The following ZCCHC2 variants were observed in gnomAD, a reference collection of about 807,000 sequenced individuals.
The protein encoded by ZCCHC2 is zinc finger CCHC domain-containing protein 2.
Under a neutral mutation model 103.6 loss-of-function variants are expected in ZCCHC2, and 39 were observed. That is an observed-to-expected ratio of 0.38 (90% CI 0.29 to 0.49). The LOEUF is 0.49. ZCCHC2 is among the 20% of genes least tolerant of loss of function. ZCCHC2 has a pLI of 0.96. For missense variants in ZCCHC2, 1,483 were observed against 1,491.0 expected (o/e 0.99, Z 0.09); for synonymous variants, 687 against 608.9 (o/e 1.13, Z -1.89).
At chr18:62,558,476 T>C in intron 6 of ZCCHC2, 1 of 329,846 alleles carries the variant, frequency 3.0e-6, no homozygotes, top group Non-Finnish European at 5.7e-6. Context: ...TCCAGGTCAG[T>C]CGCTCTTCAG....
chr18:62,534,199 T>C (rs1258448958), intron 1 of ZCCHC2, among the ~76,000 whole-genome samples: 1 of 151,784 alleles, frequency 6.6e-6, no homozygotes, highest in African/African-American at 2.4e-5. Context: ...TAGTCCTAGC[T>C]ACTCAAGAGA....
In ZCCHC2 at chr18:62,523,947, G is replaced by C. The variant is rs1342786358; in HGVS notation, c.523G>C (p.Val175Leu). 3.3e-6 allele frequency: 5 copies of C among 1,520,658 alleles called. No individual in the cohort carries two copies. The highest frequency in any genetic ancestry group is 3.5e-6 in the Non-Finnish European group (4 of 1,138,356). 94.2% of individuals were successfully genotyped at this position (1,520,658 alleles called of 1,614,324 possible). The stretch of plus-strand genomic sequence containing the variant: ...GCCCGCGGTGCGCTCGCGCCTCATC[G>C]TCTACCTGGCGCTGCTGGGCTCGGA... Reference protein sequence around the residue: ...REPAVRSRLIVYLALLGSENR... With the variant: ...REPAVRSRLILYLALLGSENR... Residue 175 changes from valine (V) to leucine (L), a missense_variant, in exon 1 of 14, where the codon GTC (valine) becomes CTC (leucine). By Grantham distance (32) the Val-to-Leu change is conservative. Coordinates refer to ENST00000269499, the MANE Select transcript of ZCCHC2 (RefSeq NM_017742.6).
At chr18:62,580,562 G>A (rs1218882644), downstream of ZCCHC2, among the ~76,000 whole-genome samples, 1 of 124,200 alleles carries the variant, frequency 8.1e-6, no homozygotes, top group Non-Finnish European at 1.7e-5. Flanking sequence ...GTGTCACAGT[G>A]CTGTGGAAGG....
At chr18:62,539,983 C>T (rs954133282) in intron 2 of ZCCHC2, among the ~76,000 whole-genome samples, 191 bp downstream of exon 2, 1 of 152,142 alleles carries the variant, frequency 6.6e-6, no homozygotes, top group Non-Finnish European at 1.5e-5. Context: ...TGCGCCACAG[C>T]CCTGCTTGTC....
chr18:62,565,135 A>G (rs1481883754), intron 11 of ZCCHC2, 39 bp downstream of exon 11: 1 of 1,425,710 alleles, frequency 7.0e-7, no homozygotes, highest in Non-Finnish European at 9.9e-7. Context: ...CCATCACATA[A>G]ATATATTCAG....
chr18:62,538,487 A>C (rs1056091811), intron 1 of ZCCHC2, among the ~76,000 whole-genome samples: 5 of 152,202 alleles, frequency 3.3e-5, no homozygotes, highest in Non-Finnish European at 7.3e-5. Flanking sequence ...TTTTGTTATT[A>C]AAATAATTCA....
In ZCCHC2 at chr18:62,577,386, T is replaced by A. The variant is rs1368227482; in HGVS notation, c.*807T>A. Reference sequence around the variant, plus strand: ...TCAGAGAGACACAAAGTGAACACACTGGTGTGAATGTCGCTCTCTGTGTGC... The same window carrying A: ...TCAGAGAGACACAAAGTGAACACACAGGTGTGAATGTCGCTCTCTGTGTGC... On this transcript the variant is annotated 3_prime_UTR_variant, in exon 14 of 14. Transcript: ENST00000269499. The A allele has an allele frequency of 6.6e-6, 1 of 152,228 alleles. No homozygotes were observed. The highest frequency in any genetic ancestry group is 1.5e-5 in the Non-Finnish European group (1 of 68,034). The allele number at this position is 152,228 out of a possible 1,614,324, so 9.4% of individuals were successfully genotyped here.
intron 1 of ZCCHC2, chr18:62,526,083 C>G (rs2145481489): frequency 6.6e-6 from 1 of 151,968 alleles, no homozygotes; most frequent in South Asian, 2.1e-4. Context: ...TTTTTTCTTT[C>G]CCTTTTCTTT....
chr18:62,544,670 ATT>A, intron 3 of ZCCHC2, 130 bp from the exon 4 acceptor site: 1 of 687,406 alleles, frequency 1.5e-6, no homozygotes, highest in Non-Finnish European at 2.3e-6. Flanking sequence ...ACAATGCCAG[ATT>A]AACTTTATAT....
chr18:62,546,377 C>G (rs1368069889), intron 4 of ZCCHC2, among the ~76,000 whole-genome samples: 1 of 152,206 alleles, frequency 6.6e-6, no homozygotes, highest in Non-Finnish European at 1.5e-5. Context: ...ACCCCACCGC[C>G]ACACACTTTT....
chr18:62,556,841 CTT>C (rs1293301350), intron 6 of ZCCHC2, among the ~76,000 whole-genome samples: 1 of 152,196 alleles, frequency 6.6e-6, no homozygotes, highest in Non-Finnish European at 1.5e-5. Context: ...AACCCTCACT[CTT>C]TTCTCAGATT....
chr18:62,567,825 A>G (rs1267734712), intron 11 of ZCCHC2, among the ~76,000 whole-genome samples: 2 of 151,530 alleles, frequency 1.3e-5, no homozygotes, highest in Non-Finnish European at 2.9e-5. Context: ...CACACCTGTA[A>G]TCCCAGCTAC....
In ZCCHC2 at chr18:62,523,376, G is replaced by GCGGGCGCC; in HGVS notation, c.-48_-47insGGGCGCCC. On this transcript the variant is annotated 5_prime_UTR_variant, in exon 1 of 14. Coordinates refer to ENST00000269499, the MANE Select transcript of ZCCHC2 (RefSeq NM_017742.6). ...GCCTCGGCCCGTGCTCCACCTCGCG[G>GCGGGCGCC]CCCCTCCCGCCCGCCCCCGCTCGCA... 9.9e-7 allele frequency: 1 copy of GCGGGCGCC among 1,012,356 alleles called. No homozygotes were observed. The highest frequency in any genetic ancestry group is 1.2e-6 in the Non-Finnish European group (1 of 848,992). The allele number at this position is 1,012,356 out of a possible 1,614,324, so 62.7% of individuals were successfully genotyped here. A position where few individuals can be genotyped will look rare whatever the true frequency, so the allele number is the denominator to read the frequency against.
In ZCCHC2 at chr18:62,523,377, C is replaced by CGGCCG; in HGVS notation, c.-48_-47insGGCCG. ...CCTCGGCCCGTGCTCCACCTCGCGG[C>CGGCCG]CCCTCCCGCCCGCCCCCGCTCGCAT... On this transcript the variant is annotated 5_prime_UTR_variant, in exon 1 of 14. Coordinates refer to ENST00000269499, the MANE Select transcript of ZCCHC2 (RefSeq NM_017742.6). 2 of 230,570 alleles carry CGGCCG rather than the reference C, an allele frequency of 8.7e-6. No homozygotes were observed. Among genetic ancestry groups the CGGCCG allele is most frequent in the Non-Finnish European group, 1.4e-5 (2 of 140,640 alleles). 14.3% of individuals were successfully genotyped at this position (230,570 alleles called of 1,614,324 possible).
intron 11 of ZCCHC2, among the ~76,000 whole-genome samples, chr18:62,568,508 C>A (rs1916464714): frequency 6.6e-6 from 1 of 152,190 alleles, no homozygotes; most frequent in Non-Finnish European, 1.5e-5. Context: ...TCTTTGGAAG[C>A]TGCGGTTTTG....
In ZCCHC2 at chr18:62,574,499, C is replaced by T. The variant is rs3744926; in HGVS notation, c.2418C>T (p.Pro806=). ...CCTTCCTTCCACACAGTAGTACTCC[C>T]GCTTTGCATCTTACAGTTCAGAGGC... ...PSTFLPHSST[P]ALHLTVQRLK... is the part of the protein sequence containing the mutation. The change falls in exon 13 of 14, where the codon CCC becomes CCT. Residue 806 remains proline, a synonymous_variant. Coordinates refer to ENST00000269499, the MANE Select transcript of ZCCHC2 (RefSeq NM_017742.6). 0.4 allele frequency: 644,324 copies of T among 1,613,730 alleles called. 134,643 individuals carry two copies. Among genetic ancestry groups the T allele is most frequent in the East Asian group, 0.75 (33,698 of 44,868 alleles).
At chr18:62,553,896 A>G (rs1644981506) in intron 5 of ZCCHC2, among the ~76,000 whole-genome samples, 1 of 152,174 alleles carries the variant, frequency 6.6e-6, no homozygotes, top group African/African-American at 2.4e-5. Flanking sequence ...GCTTGCGATT[A>G]CTTCATGACC....
At position 62,523,706 on chromosome 18, in the gene ZCCHC2, G is replaced by C. The variant is rs1480153258; in HGVS notation, c.282G>C (p.Glu94Asp). 2 of 1,452,584 alleles carry C rather than the reference G, an allele frequency of 1.4e-6. No individual in the cohort carries two copies. Among genetic ancestry groups the C allele is most frequent in the Non-Finnish European group, 1.8e-6 (2 of 1,108,372 alleles). 90.0% of individuals were successfully genotyped at this position (1,452,584 alleles called of 1,614,324 possible). Reference sequence around the variant, plus strand: ...GGGGGCCCTCGGCGGCGCTGCGCGAGCAGGAGCGGGTATACGAGTGGTTCG... The same window carrying C: ...GGGGGCCCTCGGCGGCGCTGCGCGACCAGGAGCGGGTATACGAGTGGTTCG... ...GGGGPSAALR[E>D]QERVYEWFGL... Residue 94 changes from glutamate to aspartate, a missense_variant, in exon 1 of 14, where the codon GAG (glutamate) becomes GAC (aspartate). This residue lies in a region of ZCCHC2 where 568 missense variants were observed against 525.1 expected (regional missense o/e 1.08). Transcript: ENST00000269499.
In ZCCHC2 at chr18:62,575,389, G is replaced by C. The variant is rs775405323; in HGVS notation, c.3308G>C (p.Gly1103Ala). 9 of 1,613,996 alleles carry C rather than the reference G, an allele frequency of 5.6e-6. No homozygotes were observed. The highest frequency in any genetic ancestry group is 7.6e-6 in the Non-Finnish European group (9 of 1,179,882). The change falls in exon 13 of 14, where the codon GGA (glycine) becomes GCA (alanine). Residue 1103 changes from glycine to alanine, a missense_variant. Gly to Ala is a moderately conservative substitution (Grantham distance 60). Around this residue, in one of 3 missense-constraint regions of ZCCHC2, gnomAD observed 884 missense variants for 907.5 expected, o/e 0.97. Coordinates refer to ENST00000269499, the MANE Select transcript of ZCCHC2 (RefSeq NM_017742.6). ...AACTATGGCATGCAGCAGATGGCAGGATTTGGGAGATTCTATCCTGTATAT... is the reference window on the plus strand; with the variant it reads ...AACTATGGCATGCAGCAGATGGCAGCATTTGGGAGATTCTATCCTGTATAT... ...QANYGMQQMAGFGRFYPVYPA... is the reference protein window; with the variant it reads ...QANYGMQQMAAFGRFYPVYPA...
Sources: allele counts gnomAD v4.1 joint callset (sites outside exome capture counted in the v4.1 genomes callset), GRCh38; gene constraint gnomAD v4.1.1; regional missense constraint gnomAD v4.1.1; transcripts MANE v1.5; gene names NCBI Gene and HGNC (gene_info 2026-07-23, HGNC 2026-07-21).